The following SLC9A7 variants were observed in gnomAD, a reference collection of about 807,000 sequenced individuals.
SLC9A7 encodes solute carrier family 9 member A7, also known as sodium/hydrogen exchanger 7.
SLC9A7 carries 19 observed loss-of-function variants against 52.6 expected under a neutral mutation model. The observed-to-expected ratio is 0.36, with a 90% CI of 0.25 to 0.53. The LOEUF (loss-of-function observed/expected upper bound fraction) is 0.53. Ranked by LOEUF, SLC9A7 falls within the 20% of genes least tolerant of loss-of-function variation. The probability of loss-of-function intolerance (pLI) is 0.91; values close to 1 mark genes in which losing one functional copy is unlikely to be tolerated. For missense variants in SLC9A7, 455 were observed against 597.9 expected (o/e 0.76, Z 2.49); for synonymous variants, 226 against 252.1 (o/e 0.90, Z 0.98).
chrX:46,683,532 A>G (rs1457955774), intron 1 of SLC9A7, among the ~76,000 whole-genome samples: 2 of 111,241 alleles, frequency 1.8e-5, no homozygotes, highest in Non-Finnish European at 3.8e-5. Flanking sequence ...ATCATCAGCT[A>G]CAAGTATGTA....
chrX:46,731,433 A>T (rs1185986332), intron 1 of SLC9A7, among the ~76,000 whole-genome samples: 10 of 33,068 alleles, frequency 3.0e-4, no homozygotes, highest in Admixed American at 1.1e-3. Flanking sequence ...ATAAAAAATT[A>T]AAAAAAATTA....
intron 4 of SLC9A7, among the ~76,000 whole-genome samples, chrX:46,670,566 G>A (rs1447155700): frequency 9.0e-6 from 1 of 110,985 alleles, no homozygotes; most frequent in Non-Finnish European, 1.9e-5. Context: ...GGTTAGAGGA[G>A]TAAAAATAAC....
intron 13 of SLC9A7, among the ~76,000 whole-genome samples, chrX:46,634,526 A>T (rs961656229): frequency 9.0e-6 from 1 of 111,481 alleles, no homozygotes; most frequent in African/African-American, 3.3e-5. Context: ...TTCATATAAC[A>T]CCTTGAACAC....
Position 46,759,080 on chromosome X carries a change from C to T in SLC9A7, c.-51G>A, listed in dbSNP as rs1216956736. 2.3e-4 allele frequency: 189 copies of T among 818,551 alleles called. No homozygotes were observed. Among genetic ancestry groups the T allele is most frequent in the Non-Finnish European group, 2.8e-4 (182 of 660,941 alleles). 67.5% of individuals were successfully genotyped at this position (818,551 alleles called of 1,213,427 possible). Reference sequence around the variant, plus strand: ...CCGAGCGGGGACCAGCAGCCCGCGCCGTCGGCGGGTTCTGGCAGCACCGCG... The same window carrying T: ...CCGAGCGGGGACCAGCAGCCCGCGCTGTCGGCGGGTTCTGGCAGCACCGCG... On this transcript the variant is annotated 5_prime_UTR_variant, in exon 1 of 17. Transcript: ENST00000616978.
intron 1 of SLC9A7, among the ~76,000 whole-genome samples, chrX:46,737,576 T>C (rs1945140808): frequency 8.9e-6 from 1 of 112,149 alleles, no homozygotes; most frequent in African/African-American, 3.2e-5. Context: ...GCATGCCACA[T>C]ATCTAGGCTG....
rs1008877680 is a variant in SLC9A7 at position 46,605,261 on chromosome X, T to C, written c.*1691A>G. ...GTTATTGAAAGCATTTTTTAGAAAT[T>C]GGGTTGCCAAAAATAAGCTAGCACT... On this transcript the variant is annotated 3_prime_UTR_variant, in exon 17 of 17. Coordinates refer to ENST00000616978, the MANE Select transcript of SLC9A7 (RefSeq NM_001257291.2). The C allele has an allele frequency of 9.1e-6, 1 of 109,343 alleles. No individual in the cohort carries two copies. The highest frequency in any genetic ancestry group is 9.8e-5 in the Admixed American group (1 of 10,223). 9.0% of individuals were successfully genotyped at this position (109,343 alleles called of 1,213,427 possible). A position where few individuals can be genotyped will look rare whatever the true frequency, so the allele number is the denominator to read the frequency against.
chrX:46,688,760 C>T (rs1156970946), intron 1 of SLC9A7, among the ~76,000 whole-genome samples: 1 of 110,467 alleles, frequency 9.1e-6, no homozygotes, highest in East Asian at 2.8e-4. Context: ...TTTTTATGTG[C>T]TTATAGGCCA....
intron 14 of SLC9A7, among the ~76,000 whole-genome samples, chrX:46,622,009 C>T (rs368812293): frequency 1.7e-3 from 117 of 69,537 alleles, no homozygotes; most frequent in Middle Eastern, 7.6e-3. Flanking sequence ...AAATTCTACC[C>T]GCAATGGCAA....
At chrX:46,712,088 G>T (rs753992868) in intron 1 of SLC9A7, among the ~76,000 whole-genome samples, 1 of 111,482 alleles carries the variant, frequency 9.0e-6, no homozygotes, top group African/African-American at 3.3e-5. Context: ...GATACTGGGG[G>T]ACAAGCAGCA....
chrX:46,738,031 AAAAGAAAGAAAGAAAGAAAG>A (rs58544637), intron 1 of SLC9A7, among the ~76,000 whole-genome samples: 4,565 of 70,336 alleles, frequency 0.065, 218 homozygotes, highest in South Asian at 0.11. Context: ...TGTCTCAAAA[AAAAGAAAGAAAGAAAGAAAG>A]AAAGAAAGAA....
chrX:46,719,770 A>G (rs753812389), intron 1 of SLC9A7, among the ~76,000 whole-genome samples: 4 of 111,412 alleles, frequency 3.6e-5, no homozygotes, highest in South Asian at 7.6e-4. Flanking sequence ...GAAGGTCAAT[A>G]GCCTTAATAA....
intron 12 of SLC9A7, among the ~76,000 whole-genome samples, chrX:46,637,439 A>G (rs921890608): frequency 8.9e-6 from 1 of 112,597 alleles, no homozygotes; most frequent in African/African-American, 3.2e-5. Context: ...TCTTGCAAAG[A>G]GCTTTATTAT....
At chrX:46,660,452 A>C (rs1386365389) in intron 7 of SLC9A7, among the ~76,000 whole-genome samples, 1 of 109,935 alleles carries the variant, frequency 9.1e-6, no homozygotes, top group African/African-American at 3.4e-5. Flanking sequence ...AATGGGAGAA[A>C]ATTTTCACAA....
At chrX:46,738,110 A>AG (rs1243944761) in intron 1 of SLC9A7, among the ~76,000 whole-genome samples, 4 of 48,425 alleles carry the variant, frequency 8.3e-5, no homozygotes, top group African/African-American at 1.7e-4. Context: ...AAAGAAAGAG[A>AG]AAAGAAAAGA....
intron 15 of SLC9A7, among the ~76,000 whole-genome samples, chrX:46,613,687 G>A (rs1942897359): frequency 8.9e-6 from 1 of 111,834 alleles, no homozygotes; most frequent in Admixed American, 9.5e-5. Context: ...CATGTTGAAT[G>A]GAAGTTTTGG....
chrX:46,653,698 T>C lies in SLC9A7; in HGVS notation c.1058A>G (p.Lys353Arg), dbSNP rs763226542. Residue 353 changes from lysine (K) to arginine (R), a missense_variant, in exon 8 of 17, where the codon AAA becomes AGA. By Grantham distance (26) the Lys-to-Arg change is conservative (BLOSUM62 2). Coordinates refer to ENST00000616978, the MANE Select transcript of SLC9A7 (RefSeq NM_001257291.2). Reference sequence around the variant, plus strand: ...CTCCAGCAGGGGGAAGCAGTGCAGTTTGGTAAACTTAGTCACGTTGGCATT... The same window carrying C: ...CTCCAGCAGGGGGAAGCAGTGCAGTCTGGTAAACTTAGTCACGTTGGCATT... ...VVTALVTKFT[K>R]LHCFPLLETA... The C allele has an allele frequency of 1.1e-5, 13 of 1,208,695 alleles. No individual in the cohort carries two copies. Among genetic ancestry groups the C allele is most frequent in the South Asian group, 5.3e-5 (3 of 56,816 alleles).
intron 15 of SLC9A7, among the ~76,000 whole-genome samples, chrX:46,616,168 A>AG (rs917841273): frequency 9.3e-6 from 1 of 107,968 alleles, no homozygotes; most frequent in African/African-American, 3.4e-5. Flanking sequence ...AAAAAAAAAA[A>AG]AAAAGCAAAA....
chrX:46,724,728 A>G (rs1376173571), intron 1 of SLC9A7, among the ~76,000 whole-genome samples: 2 of 111,537 alleles, frequency 1.8e-5, no homozygotes, highest in East Asian at 5.6e-4. Context: ...ACCAACCTAT[A>G]ATACCACAAT....
At chrX:46,650,653 C>T (rs984094606) in intron 10 of SLC9A7, among the ~76,000 whole-genome samples, 1 of 111,231 alleles carries the variant, frequency 9.0e-6, no homozygotes, top group Non-Finnish European at 1.9e-5. Flanking sequence ...GGAACAGAAC[C>T]TTTGGGTCAT....
Sources: allele counts gnomAD v4.1 joint callset (sites outside exome capture counted in the v4.1 genomes callset), GRCh38; gene constraint gnomAD v4.1.1; transcripts MANE v1.5; gene names NCBI Gene and HGNC (gene_info 2026-07-23, HGNC 2026-07-21).